OPCML: variants seen among roughly 807,000 people sequenced by gnomAD.
The protein encoded by OPCML is opioid binding protein/cell adhesion molecule like, also known as opioid-binding protein/cell adhesion molecule.
OPCML carries 13 observed loss-of-function variants against 37.8 expected under a neutral mutation model. The ratio of observed to expected loss-of-function variants is 0.34; its 90% CI spans 0.22 to 0.55. The LOEUF (loss-of-function observed/expected upper bound fraction) is 0.55. Among genes scored for constraint, OPCML ranks in the 20% least tolerant of loss-of-function variants. OPCML has a pLI of 0.91. For synonymous variants in OPCML, 176 were observed against 168.8 expected (o/e 1.04, Z -0.33); for missense variants, 341 against 435.6 (o/e 0.78, Z 1.93).
intron 4 of OPCML, 98 bp downstream of exon 4, chr11:132,528,963 A>G (rs2137291262): frequency 1.5e-6 from 1 of 663,670 alleles, no homozygotes; most frequent in East Asian, 2.8e-5. Context: ...CTATGACTGG[A>G]TTACAAAATG....
At chr11:132,460,183 C>T (rs1254154749) in intron 4 of OPCML, among the ~76,000 whole-genome samples, 2 of 151,532 alleles carry the variant, frequency 1.3e-5, no homozygotes, top group Admixed American at 6.6e-5. Flanking sequence ...TTAATTTATG[C>T]TGGCTCAACA....
At chr11:132,466,412 A>T (rs2136935034) in intron 4 of OPCML, among the ~76,000 whole-genome samples, 1 of 151,160 alleles carries the variant, frequency 6.6e-6, no homozygotes, top group East Asian at 2.0e-4. Context: ...TGAACCCGCG[A>T]GGCGGAGCTT....
At position 132,437,609 on chromosome 11, in the gene OPCML, G is replaced by A. The variant is rs115285216; in HGVS notation, c.506-250C>T. On this transcript the variant is annotated intron_variant, in intron 4 of 7. Transcript: ENST00000524381. ...TTAACTTTCTTAGAGCATTTGGTAA[G>A]AACATGTCATTATTTTTCTTATATG... 2.2e-3 allele frequency: 709 copies of A among 320,020 alleles called. 3 individuals carry two copies. The highest frequency in any genetic ancestry group is 0.015 in the African/African-American group (662 of 44,508). 19.8% of individuals were successfully genotyped at this position (320,020 alleles called of 1,614,324 possible). A position where few individuals can be genotyped will look rare whatever the true frequency, so the allele number is the denominator to read the frequency against.
At chr11:133,487,202 A>T (rs1021912272) in intron 1 of OPCML, among the ~76,000 whole-genome samples, 1 of 152,200 alleles carries the variant, frequency 6.6e-6, no homozygotes, top group Non-Finnish European at 1.5e-5. Flanking sequence ...TACTGTATTC[A>T]GAATAATATC....
intron 4 of OPCML, among the ~76,000 whole-genome samples, chr11:132,466,462 C>T (rs962424626): frequency 3.4e-5 from 5 of 147,652 alleles, no homozygotes; most frequent in Non-Finnish European, 5.9e-5. Flanking sequence ...CCAGCCTGGG[C>T]GACACAGCGA....
chr11:133,070,526 C>T (rs147129145), intron 1 of OPCML, among the ~76,000 whole-genome samples: 354 of 152,230 alleles, frequency 2.3e-3, no homozygotes, highest in Middle Eastern at 6.8e-3. Context: ...TGCCTATGGA[C>T]GAAGGGGACT....
chr11:133,214,922 C>T (rs949512469), intron 1 of OPCML, among the ~76,000 whole-genome samples: 21 of 152,124 alleles, frequency 1.4e-4, no homozygotes, highest in Non-Finnish European at 2.6e-4. Context: ...ATCTCTGACC[C>T]CTCGTTGGGC....
At chr11:132,595,438 G>A in intron 3 of OPCML, among the ~76,000 whole-genome samples, 1 of 152,150 alleles carries the variant, frequency 6.6e-6, no homozygotes, top group South Asian at 2.1e-4. Flanking sequence ...GCTGTTACCT[G>A]TCTGTACCAC....
intron 4 of OPCML, chr11:132,525,950 G>T (rs1356581528): frequency 6.6e-6 from 1 of 152,126 alleles, no homozygotes; most frequent in Non-Finnish European, 1.5e-5. Flanking sequence ...GAAAATTAAG[G>T]ATAACAAAGT....
At chr11:132,789,109 T>C (rs1359538080) in intron 2 of OPCML, among the ~76,000 whole-genome samples, 3 of 152,196 alleles carry the variant, frequency 2.0e-5, no homozygotes, top group Non-Finnish European at 4.4e-5. Context: ...GCCTGTATCC[T>C]ATCACTTCAG....
At chr11:132,739,112 C>T (rs1297314487) in intron 2 of OPCML, among the ~76,000 whole-genome samples, 1 of 152,200 alleles carries the variant, frequency 6.6e-6, no homozygotes, top group Non-Finnish European at 1.5e-5. Context: ...ACAAATCTTA[C>T]TGAAATAACT....
At chr11:133,382,086 C>T (rs1431028778) in intron 1 of OPCML, among the ~76,000 whole-genome samples, 1 of 152,206 alleles carries the variant, frequency 6.6e-6, no homozygotes, top group Non-Finnish European at 1.5e-5. Flanking sequence ...CCATTTGCCT[C>T]CAGCTGCCAA....
intron 1 of OPCML, among the ~76,000 whole-genome samples, chr11:132,990,705 T>A (rs1314309690): frequency 6.6e-6 from 1 of 152,176 alleles, no homozygotes; most frequent in Non-Finnish European, 1.5e-5. Flanking sequence ...CAAACCTCCA[T>A]CATCAGATAA....
In OPCML at chr11:133,287,314, G is replaced by A. The variant is rs531085287; in HGVS notation, c.61+244950C>T. 8.0e-4 allele frequency among the ~76,000 whole-genome samples: 72 copies of A among 90,054 alleles called. 1 individual carries two copies. In the South Asian group the frequency reaches 0.023, roughly 29 times the overall value. The allele number at this position is 90,054 out of a possible 152,430, so 59.1% of individuals were successfully genotyped here. ...TTTTTTAGAGATAAGGTTTCACTAT[G>A]TTGCCCAGGCTAGTCTCAAACTCCT... On this transcript the variant is annotated intron_variant, in intron 1 of 7. Transcript: ENST00000524381.
chr11:133,403,004 T>C (rs1945441653), intron 1 of OPCML, among the ~76,000 whole-genome samples: 1 of 152,238 alleles, frequency 6.6e-6, no homozygotes, highest in Admixed American at 6.5e-5. Flanking sequence ...ATGTTCTTTC[T>C]GTGACTATAT....
chr11:132,917,720 A>T lies in OPCML; in HGVS notation c.146+25206T>A, dbSNP rs183714028. The stretch of plus-strand genomic sequence containing the variant: ...GTCTACATGAAGGGCTCACTACTGT[A>T]CCTGGGGAACGCTCTGATTTCCTTA... On this transcript the variant is annotated intron_variant, in intron 2 of 7. Coordinates refer to ENST00000524381, the MANE Select transcript of OPCML (RefSeq NM_001012393.5). 7.2e-5 allele frequency among the ~76,000 whole-genome samples: 11 copies of T among 152,288 alleles called. No individual in the cohort carries two copies. In the East Asian group the frequency reaches 2.1e-3, roughly 29 times the overall value.
chr11:133,356,395 A>G (rs968104368), intron 1 of OPCML, among the ~76,000 whole-genome samples: 11 of 152,212 alleles, frequency 7.2e-5, no homozygotes, highest in Middle Eastern at 3.2e-3. Context: ...ATTTAAATAG[A>G]AGAAATGAGC....
At chr11:133,335,724 T>C (rs1035829735) in intron 1 of OPCML, among the ~76,000 whole-genome samples, 4 of 152,094 alleles carry the variant, frequency 2.6e-5, no homozygotes. Flanking sequence ...CTTGGACAAT[T>C]AACCGGGCGA....
chr11:133,270,751 A>G (rs1274887568), intron 1 of OPCML, among the ~76,000 whole-genome samples: 1 of 152,150 alleles, frequency 6.6e-6, no homozygotes, highest in Non-Finnish European at 1.5e-5. Flanking sequence ...AATTGTTCCT[A>G]TATATCCTAA....
Sources: gnomAD v4.1 joint callset for allele counts (sites outside exome capture counted in the v4.1 genomes callset) on GRCh38, gnomAD v4.1.1 for gene constraint, MANE v1.5 for transcripts, NCBI Gene and HGNC (gene_info 2026-07-23, HGNC 2026-07-21) for gene names.